Variants in ANK3 observed in about 807,000 individuals in gnomAD.
ANK3 encodes ankyrin 3.
In ANK3, 57 loss-of-function variants were observed where a neutral mutation model predicts 370.9. The observed-to-expected ratio is 0.15, with a 90% CI of 0.12 to 0.19. The LOEUF is 0.19. Ranked by LOEUF, ANK3 falls within the 10% of genes least tolerant of loss-of-function variation. ANK3 has a pLI of 1.00. For synonymous variants in ANK3, 1,929 were observed against 1,946.3 expected, an observed-to-expected ratio of 0.99 and a Z score of 0.23; for missense variants, 4,439 against 5,302.1, an observed-to-expected ratio of 0.84 and a Z score of 5.06.
chr10:60,468,582 C>T (rs555086872), intron 2 of ANK3, among the ~76,000 whole-genome samples: 153 of 152,166 alleles, frequency 1.0e-3, no homozygotes, highest in African/African-American at 3.4e-3. Context: ...TGACCAATCT[C>T]TTGTTTACCA....
intron 2 of ANK3, among the ~76,000 whole-genome samples, chr10:60,458,743 A>G (rs1472556824): frequency 6.6e-6 from 1 of 152,174 alleles, no homozygotes; most frequent in East Asian, 1.9e-4. Flanking sequence ...AACAGAAGAA[A>G]GTTATTAACA....
At chr10:60,525,274 T>C (rs1283821448) in intron 2 of ANK3, among the ~76,000 whole-genome samples, 9 of 152,052 alleles carry the variant, frequency 5.9e-5, no homozygotes, top group Admixed American at 5.3e-4. Flanking sequence ...CCAGAAACCA[T>C]GTAAAAATGT....
chr10:60,533,156 G>A (rs764811710), intron 2 of ANK3, among the ~76,000 whole-genome samples: 12 of 152,032 alleles, frequency 7.9e-5, no homozygotes, highest in Non-Finnish European at 1.3e-4. Flanking sequence ...ATTTGGACAC[G>A]ACTGGACCAA....
chr10:60,154,409 T>A (rs538826565), intron 23 of ANK3, among the ~76,000 whole-genome samples: 4 of 152,206 alleles, frequency 2.6e-5, no homozygotes, highest in Non-Finnish European at 5.9e-5. Context: ...TCCTAACTGG[T>A]CTTTTCCTGG....
At chr10:60,588,160 TTTATTATTATTATTATTATTA>T (rs147944306) in intron 2 of ANK3, among the ~76,000 whole-genome samples, 8 of 141,116 alleles carry the variant, frequency 5.7e-5, no homozygotes, top group Non-Finnish European at 9.1e-5. Flanking sequence ...TTTCTCAGTT[TTTATTATTATTATTATTATTA>T]TTATTATTAT....
At chr10:60,704,813 T>C (rs537126087) in intron 1 of ANK3, among the ~76,000 whole-genome samples, 146 of 152,300 alleles carry the variant, frequency 9.6e-4, no homozygotes, top group Non-Finnish European at 2.5e-4. Flanking sequence ...CAACATGTTT[T>C]ATTAATAGAT....
chr10:60,710,050 G>T (rs1242774362), intron 1 of ANK3, among the ~76,000 whole-genome samples: 1 of 152,048 alleles, frequency 6.6e-6, no homozygotes, highest in African/African-American at 2.4e-5. Context: ...TGCTTCTTGG[G>T]AGCACTTCCA....
At chr10:60,317,776 C>T (rs1245926440) in intron 1 of ANK3, among the ~76,000 whole-genome samples, 12 of 144,552 alleles carry the variant, frequency 8.3e-5, no homozygotes, top group Non-Finnish European at 1.2e-4. Flanking sequence ...TGCAGTGGTG[C>T]GATCTCGGCT....
At chr10:60,469,054 T>TATATATAC (rs1201040809) in intron 2 of ANK3, among the ~76,000 whole-genome samples, 2 of 34,930 alleles carry the variant, frequency 5.7e-5, no homozygotes, top group African/African-American at 2.3e-4. Flanking sequence ...TATATATATA[T>TATATATAC]ACCACTTTTA....
intron 8 of ANK3, among the ~76,000 whole-genome samples, chr10:60,218,860 A>G (rs1180101753): frequency 6.6e-6 from 1 of 151,958 alleles, no homozygotes; most frequent in Admixed American, 6.6e-5. Flanking sequence ...TCTCCTGGAT[A>G]ATATCCTGAA....
At chr10:60,282,984 C>T (rs1350991382) in intron 1 of ANK3, among the ~76,000 whole-genome samples, 2 of 152,166 alleles carry the variant, frequency 1.3e-5, no homozygotes, top group African/African-American at 4.8e-5. Context: ...ACAAAACAGC[C>T]ACCACTTCCT....
At position 60,068,789 on chromosome 10, in the gene ANK3, C is replaced by T; in HGVS notation, c.12092G>A (p.Ser4031Asn). Residue 4031 changes from serine to asparagine, a missense_variant, in exon 37 of 44, where the codon AGT becomes AAT. Physicochemically the swap from Ser to Asn is conservative, Grantham distance 46 (BLOSUM62 1). This residue lies in a region of ANK3 where 496 missense variants were observed against 529.3 expected (regional missense o/e 0.94). Transcript: ENST00000280772. The stretch of plus-strand genomic sequence containing the variant: ...GGACAACGACGTGTTTCTTGAGGTA[C>T]TTTCTTCCTCATCGGACAACTCGGA... ...MQSELSDEEE[S>N]TSRNTSLSET... 6.2e-7 allele frequency: 1 copy of T among 1,614,222 alleles called. No individual in the cohort carries two copies. Among genetic ancestry groups the T allele is most frequent in the Non-Finnish European group, 8.5e-7 (1 of 1,180,028 alleles).
intron 2 of ANK3, among the ~76,000 whole-genome samples, chr10:60,526,327 T>C (rs1384775923): frequency 6.6e-6 from 1 of 152,156 alleles, no homozygotes; most frequent in Admixed American, 6.6e-5. Context: ...ATCAATGTTA[T>C]TGGAACAATG....
At chr10:60,059,314 C>T in intron 41 of ANK3, 26 bp downstream of exon 41, 1 of 1,590,968 alleles carries the variant, frequency 6.3e-7, no homozygotes, top group East Asian at 2.2e-5. Flanking sequence ...CCTGTGTTCA[C>T]TTTCCTTTTT....
Position 60,660,934 on chromosome 10 carries a change from A to C in ANK3, c.58-45710T>G, listed in dbSNP as rs185319132. ...AATACACACTCACACACACACACACACCCCACATCTATAAGACATAACACA... is the reference window on the plus strand; with the variant it reads ...AATACACACTCACACACACACACACCCCCCACATCTATAAGACATAACACA... On this transcript the variant is annotated intron_variant, in intron 1 of 43. Coordinates refer to the ANK3 transcript ENST00000373827. Among the ~76,000 whole-genome samples, 1,017 of 151,852 alleles carry C rather than the reference A, an allele frequency of 6.7e-3. 4 individuals are homozygous for C. The highest frequency in any genetic ancestry group is 0.013 in the African/African-American group (524 of 41,386).
chr10:60,359,494 T>C (rs2058286551), intron 1 of ANK3, among the ~76,000 whole-genome samples: 1 of 152,238 alleles, frequency 6.6e-6, no homozygotes. Context: ...AAGCACCCTA[T>C]CATATACCAG....
intron 2 of ANK3, among the ~76,000 whole-genome samples, chr10:60,535,342 G>A (rs557763744): frequency 6.6e-6 from 1 of 152,122 alleles, no homozygotes; most frequent in South Asian, 2.1e-4. Context: ...TGAAAAATAC[G>A]TTCACTCAAA....
intron 16 of ANK3, among the ~76,000 whole-genome samples, chr10:60,188,294 C>A (rs1446287569): frequency 6.6e-6 from 1 of 152,164 alleles, no homozygotes; most frequent in African/African-American, 2.4e-5. Flanking sequence ...CCATCAGGGT[C>A]TTCTGCCCCA....
At chr10:60,278,915 G>C (rs918235754) in intron 3 of ANK3, 43 bp from the exon 4 acceptor site, 1 of 1,597,468 alleles carries the variant, frequency 6.3e-7, no homozygotes, top group Non-Finnish European at 8.6e-7. Flanking sequence ...TCGATCTTTT[G>C]AATTTTCCTG....
Sources: gnomAD v4.1 joint callset for allele counts (sites outside exome capture counted in the v4.1 genomes callset) on GRCh38, gnomAD v4.1.1 for gene constraint, gnomAD v4.1.1 regional missense constraint, MANE v1.5 for transcripts, NCBI Gene and HGNC (gene_info 2026-07-23, HGNC 2026-07-21) for gene names.